VPS8: variants seen among roughly 807,000 people sequenced by gnomAD.
The protein encoded by VPS8 is VPS8 subunit of CORVET complex, also known as vacuolar protein sorting-associated protein 8 homolog.
Under a neutral mutation model 216.4 loss-of-function variants are expected in VPS8, and 129 were observed. The observed-to-expected ratio is 0.60, with a 90% confidence interval of 0.52 to 0.69. The LOEUF is 0.69. Ranked by LOEUF, VPS8 falls within the 30% of genes least tolerant of loss-of-function variation. The pLI is 0.00. For missense variants in VPS8, 1,531 were observed against 1,683.5 expected (o/e 0.91, Z 1.59); for synonymous variants, 571 against 565.4 (o/e 1.01, Z -0.14).
In VPS8 at chr3:184,991,030, G is replaced by T. The variant is rs530115011; in HGVS notation, c.3586-2953G>T. ...TGCTGTATGGCTGAAGTAACTTTTA[G>T]CTTCTGAGAAGCCGTTTATTACTTT... On this transcript the variant is annotated intron_variant, in intron 42 of 47. Transcript: ENST00000625842. Among the ~76,000 whole-genome samples the T allele has an allele frequency of 4.6e-5, 7 of 151,954 alleles. No homozygotes were observed. In the South Asian group the frequency reaches 1.5e-3, roughly 32 times the overall value.
chr3:184,998,187 C>T (rs1378702942), intron 44 of VPS8, among the ~76,000 whole-genome samples: 1 of 152,076 alleles, frequency 6.6e-6, no homozygotes, highest in Non-Finnish European at 1.5e-5. Flanking sequence ...AGATGCGAAG[C>T]CACTGGATGG....
chr3:184,921,245 G>A, intron 29 of VPS8, among the ~76,000 whole-genome samples: 1 of 152,176 alleles, frequency 6.6e-6, no homozygotes, highest in East Asian at 1.9e-4. Flanking sequence ...TAGAAGTCTG[G>A]AAGTAGGCAA....
intron 46 of VPS8, among the ~76,000 whole-genome samples, chr3:185,037,052 T>C (rs1371872446): frequency 1.4e-5 from 2 of 147,282 alleles, no homozygotes; most frequent in Non-Finnish European, 3.0e-5. Flanking sequence ...TTCTTACTTA[T>C]CTTTTGCAGT....
At chr3:184,996,533 G>C (rs1291829757) in intron 44 of VPS8, 32 bp downstream of exon 44, 9 of 1,556,976 alleles carry the variant, frequency 5.8e-6, no homozygotes, top group Non-Finnish European at 7.9e-6. Context: ...TACATGTATG[G>C]TACATGTACA....
At chr3:184,976,073 A>G (rs925396565) in intron 40 of VPS8, among the ~76,000 whole-genome samples, 4 of 152,050 alleles carry the variant, frequency 2.6e-5, no homozygotes, top group African/African-American at 7.2e-5. Context: ...TTTAGCTCCC[A>G]TTGTAATTAT....
chr3:184,815,502 G>A (rs537592622), intron 1 of VPS8, among the ~76,000 whole-genome samples: 1 of 152,128 alleles, frequency 6.6e-6, no homozygotes, highest in Non-Finnish European at 1.5e-5. Context: ...GCACATGACT[G>A]TATATAAATG....
intron 14 of VPS8, among the ~76,000 whole-genome samples, chr3:184,857,185 G>C (rs1725418546): frequency 6.6e-6 from 1 of 152,238 alleles, no homozygotes; most frequent in Non-Finnish European, 1.5e-5. Context: ...ATGACAAAGA[G>C]AAACTTGTGG....
intron 15 of VPS8, among the ~76,000 whole-genome samples, chr3:184,861,914 A>G (rs1484955103): frequency 1.3e-5 from 2 of 152,216 alleles, no homozygotes; most frequent in African/African-American, 4.8e-5. Context: ...TTAAGAGAGC[A>G]CCTTATAAGA....
chr3:184,900,548 T>C (rs915321843), intron 24 of VPS8, among the ~76,000 whole-genome samples: 2 of 152,254 alleles, frequency 1.3e-5, no homozygotes, highest in Non-Finnish European at 2.9e-5. Flanking sequence ...GGCTGCTGAT[T>C]GGATGTTTTC....
rs1387278756 is a variant in VPS8 at position 184,850,114 on chromosome 3, C to CA, written c.753+98dup. ...TTTCTCTATGTTGATGATCAGAGTC[C>CA]AAAAAATGTATTTAACATGAAGCTG... On this transcript the variant is annotated intron_variant, in intron 10 of 47. Transcript: ENST00000625842. 18 of 1,005,076 alleles carry CA rather than the reference C, an allele frequency of 1.8e-5. No individual in the cohort carries two copies. In the Admixed American group the frequency reaches 3.9e-4, roughly 22 times the overall value. 62.3% of individuals were successfully genotyped at this position (1,005,076 alleles called of 1,614,324 possible).
chr3:184,900,941 T>A lies in VPS8; in HGVS notation c.2115T>A (p.Ala705=). Residue 705 remains alanine, a synonymous_variant, in exon 25 of 48, where the codon GCT becomes GCA. Transcript: ENST00000625842. ...SPMEKLFRVI[A]PPLNAGKTLT... ...TGCAGAAACTTTTCAGAGTCATTGCTCCTCCTCTGAATGCAGGAAAAACAC... is the reference window on the plus strand; with the variant it reads ...TGCAGAAACTTTTCAGAGTCATTGCACCTCCTCTGAATGCAGGAAAAACAC... The A allele has an allele frequency of 6.2e-7, 1 of 1,606,898 alleles. No homozygotes were observed. The highest frequency in any genetic ancestry group is 8.5e-7 in the Non-Finnish European group (1 of 1,178,456).
At chr3:184,933,992 G>A (rs778605149) in intron 34 of VPS8, among the ~76,000 whole-genome samples, 2 of 151,782 alleles carry the variant, frequency 1.3e-5, no homozygotes, top group Non-Finnish European at 2.9e-5. Context: ...TTTTAACTTC[G>A]TGATTATGAC....
intron 42 of VPS8, among the ~76,000 whole-genome samples, chr3:184,990,041 C>A (rs1007427879): frequency 1.2e-4 from 19 of 152,056 alleles, no homozygotes; most frequent in African/African-American, 4.6e-4. Flanking sequence ...CCACTGCACT[C>A]CAGCCTGGGC....
At chr3:184,948,935 A>G (rs1744167547) in intron 36 of VPS8, among the ~76,000 whole-genome samples, 1 of 152,182 alleles carries the variant, frequency 6.6e-6, no homozygotes, top group African/African-American at 2.4e-5. Flanking sequence ...TATAAAGCTC[A>G]TTTTTCCTTC....
Position 184,936,352 on chromosome 3 carries a change from TATA to T in VPS8, c.2988+18_2988+20del. ...AAACTTCAGGTACATATTGCAAATA[TATA>T]TTGGGGAAAAATATCTAGTGGAAAG... is the stretch of plus-strand genomic sequence containing the variant. On this transcript the variant is annotated intron_variant, in intron 35 of 47. Coordinates refer to ENST00000625842, the MANE Select transcript of VPS8 (RefSeq NM_001009921.3). 6.3e-7 allele frequency: 1 copy of T among 1,586,308 alleles called. No homozygotes were observed. The highest frequency in any genetic ancestry group is 8.6e-7 in the Non-Finnish European group (1 of 1,162,222).
intron 45 of VPS8, among the ~76,000 whole-genome samples, chr3:185,003,528 A>G (rs1753736289): frequency 2.1e-5 from 3 of 145,010 alleles, no homozygotes; most frequent in Non-Finnish European, 3.0e-5. Flanking sequence ...TACAGAACAA[A>G]ATGAAAAGTC....
intron 26 of VPS8, 58 bp from the exon 27 acceptor site, chr3:184,914,923 C>A (rs961910691): frequency 4.7e-6 from 7 of 1,499,902 alleles, no homozygotes; most frequent in Middle Eastern, 1.7e-4. Context: ...ATGTGTTACT[C>A]GCTTGAAAGT....
chr3:184,909,372 T>G (rs1478605090), intron 25 of VPS8, among the ~76,000 whole-genome samples: 1 of 152,218 alleles, frequency 6.6e-6, no homozygotes, highest in Non-Finnish European at 1.5e-5. Context: ...ATTGCTTTTA[T>G]GGAGGAGATT....
intron 1 of VPS8, among the ~76,000 whole-genome samples, chr3:184,819,731 C>T (rs1185642138): frequency 1.3e-5 from 2 of 152,152 alleles, no homozygotes; most frequent in South Asian, 2.1e-4. Context: ...GTTAAGGGCA[C>T]TACCCCCTCA....
Sources: gnomAD v4.1 joint callset for allele counts (sites outside exome capture counted in the v4.1 genomes callset) on GRCh38, gnomAD v4.1.1 for gene constraint, MANE v1.5 for transcripts, NCBI Gene and HGNC (gene_info 2026-07-23, HGNC 2026-07-21) for gene names.